The following AKAP6 variants were observed in gnomAD, a reference collection of about 807,000 sequenced individuals.
The protein encoded by AKAP6 is A-kinase anchoring protein 6.
AKAP6 carries 58 observed loss-of-function variants against 188.5 expected under a neutral mutation model. The ratio of observed to expected loss-of-function variants is 0.31; its 90% CI spans 0.25 to 0.38. The LOEUF is 0.38. Among genes scored for constraint, AKAP6 ranks in the 10% least tolerant of loss-of-function variants. The pLI is 1.00. For synonymous variants in AKAP6, 989 were observed against 998.6 expected, an observed-to-expected ratio of 0.99 and a Z score of 0.18; for missense variants, 2,710 against 2,740.0, an observed-to-expected ratio of 0.99 and a Z score of 0.24.
At chr14:32,649,470 A>G (rs1410835136) in intron 7 of AKAP6, among the ~76,000 whole-genome samples, 1 of 152,202 alleles carries the variant, frequency 6.6e-6, no homozygotes, top group Non-Finnish European at 1.5e-5. Context: ...ATTATGCTAC[A>G]AAGTTTTCAT....
intron 2 of AKAP6, among the ~76,000 whole-genome samples, chr14:32,463,046 G>A (rs1891406429): frequency 6.7e-6 from 1 of 148,488 alleles, no homozygotes; most frequent in South Asian, 2.1e-4. Flanking sequence ...AAGAAGAAGA[G>A]GTAACTATGC....
intron 5 of AKAP6, among the ~76,000 whole-genome samples, chr14:32,580,314 A>C (rs1884905129): frequency 1.3e-5 from 2 of 152,112 alleles, no homozygotes; most frequent in African/African-American, 4.8e-5. Context: ...ACCTGCCTAG[A>C]AAATGACATT....
At chr14:32,340,982 A>G (rs963254410) in intron 1 of AKAP6, among the ~76,000 whole-genome samples, 2 of 152,180 alleles carry the variant, frequency 1.3e-5, no homozygotes, top group Non-Finnish European at 2.9e-5. Context: ...TTAACATATA[A>G]ATTTTGGGAA....
intron 1 of AKAP6, among the ~76,000 whole-genome samples, chr14:32,384,240 G>A (rs1358536699): frequency 6.6e-6 from 1 of 152,122 alleles, no homozygotes; most frequent in Non-Finnish European, 1.5e-5. Flanking sequence ...ATGGGAGGAG[G>A]GCTTTCTTTC....
chr14:32,614,463 G>T (rs1301258746), intron 7 of AKAP6, among the ~76,000 whole-genome samples: 1 of 152,112 alleles, frequency 6.6e-6, no homozygotes, highest in African/African-American at 2.4e-5. Flanking sequence ...ATTTTCCAAG[G>T]CAATCAATAG....
At chr14:32,613,783 A>C (rs1404439546) in intron 7 of AKAP6, among the ~76,000 whole-genome samples, 1 of 152,178 alleles carries the variant, frequency 6.6e-6, no homozygotes, top group Non-Finnish European at 1.5e-5. Context: ...CCTCTTCTTA[A>C]CGAGCTCTTC....
chr14:32,812,428 T>C (rs555887250), intron 12 of AKAP6, among the ~76,000 whole-genome samples: 4 of 93,006 alleles, frequency 4.3e-5, no homozygotes, highest in Non-Finnish European at 6.7e-5. Context: ...TTAGGTACTT[T>C]CTTGAAACTC....
chr14:32,517,359 C>T (rs1881576942), intron 2 of AKAP6, among the ~76,000 whole-genome samples: 1 of 152,180 alleles, frequency 6.6e-6, no homozygotes, highest in Non-Finnish European at 1.5e-5. Flanking sequence ...CTACAGCTCC[C>T]AGTGTAAGTG....
intron 1 of AKAP6, among the ~76,000 whole-genome samples, chr14:32,333,327 A>G (rs1056224591): frequency 1.3e-5 from 2 of 152,080 alleles, no homozygotes; most frequent in African/African-American, 2.4e-5. Flanking sequence ...CATGAATGGC[A>G]GTTTGTTTTG....
chr14:32,779,847 A>G (rs754617965), intron 12 of AKAP6, among the ~76,000 whole-genome samples: 9 of 152,172 alleles, frequency 5.9e-5, no homozygotes, highest in Non-Finnish European at 2.9e-5. Context: ...GGCTTTTATC[A>G]AAAGGATAAT....
intron 9 of AKAP6, among the ~76,000 whole-genome samples, chr14:32,730,403 G>T (rs760206295): frequency 3.9e-5 from 6 of 152,062 alleles, no homozygotes; most frequent in Non-Finnish European, 7.4e-5. Context: ...CTACTTATAC[G>T]CATTTAACAG....
intron 12 of AKAP6, among the ~76,000 whole-genome samples, chr14:32,813,337 C>T (rs1396653714): frequency 1.5e-4 from 23 of 151,200 alleles, no homozygotes; most frequent in Admixed American, 1.5e-3. Flanking sequence ...CCTAGAAGTT[C>T]ATCAAATCTC....
At chr14:32,426,810 A>G (rs939162116) in intron 1 of AKAP6, among the ~76,000 whole-genome samples, 1 of 152,188 alleles carries the variant, frequency 6.6e-6, no homozygotes, top group Non-Finnish European at 1.5e-5. Flanking sequence ...ATCTGAGTCA[A>G]TCTGGATATC....
In AKAP6 at chr14:32,563,706, T is replaced by C. The variant is rs2139216205; in HGVS notation, c.2347-13414T>C. On this transcript the variant is annotated intron_variant, in intron 4 of 13. Transcript: ENST00000280979. ...CACCCCAGGTTCCTGCACCCTCTTCTCTGTAAGACTCTGCCTTGTCTTCCT... is the reference window on the plus strand; with the variant it reads ...CACCCCAGGTTCCTGCACCCTCTTCCCTGTAAGACTCTGCCTTGTCTTCCT... Among the ~76,000 whole-genome samples, 5 of 152,296 alleles carry C rather than the reference T, an allele frequency of 3.3e-5. 1 individual carries two copies. In the South Asian group the frequency reaches 1.0e-3, roughly 32 times the overall value.
intron 2 of AKAP6, among the ~76,000 whole-genome samples, chr14:32,495,690 C>T (rs1880281377): frequency 6.6e-6 from 1 of 152,154 alleles, no homozygotes; most frequent in African/African-American, 2.4e-5. Context: ...ATTTACCTTC[C>T]TCTTTTCTGT....
At chr14:32,553,319 C>T (rs1464732790) in intron 4 of AKAP6, among the ~76,000 whole-genome samples, 2 of 151,872 alleles carry the variant, frequency 1.3e-5, no homozygotes, top group Admixed American at 6.6e-5. Context: ...TACAGGCACC[C>T]ACCACCATGC....
At chr14:32,413,731 T>A (rs546968564) in intron 1 of AKAP6, among the ~76,000 whole-genome samples, 1 of 152,146 alleles carries the variant, frequency 6.6e-6, no homozygotes, top group Non-Finnish European at 1.5e-5. Flanking sequence ...AGAAACATCA[T>A]TGGATGTCTC....
chr14:32,615,701 T>C (rs1440733947), intron 7 of AKAP6, among the ~76,000 whole-genome samples: 1 of 150,376 alleles, frequency 6.6e-6, no homozygotes, highest in African/African-American at 2.5e-5. Context: ...GTTCACGCCA[T>C]TCTCCTGCCT....
chr14:32,409,476 A>G (rs931781120), intron 1 of AKAP6, among the ~76,000 whole-genome samples: 3 of 152,140 alleles, frequency 2.0e-5, no homozygotes, highest in Admixed American at 6.5e-5. Flanking sequence ...GCACCTTTCT[A>G]GGTGATTCAC....
Sources: gnomAD v4.1 joint callset for allele counts (sites outside exome capture counted in the v4.1 genomes callset) on GRCh38, gnomAD v4.1.1 for gene constraint, MANE v1.5 for transcripts, NCBI Gene and HGNC (gene_info 2026-07-23, HGNC 2026-07-21) for gene names.